The following EYS variants were observed in gnomAD, a reference collection of about 807,000 sequenced individuals.
The protein encoded by EYS is EGF-like photoreceptor maintenance factor, also known as protein eyes shut homolog.
EYS carries 250 observed loss-of-function variants against 282.1 expected under a neutral mutation model. The observed-to-expected ratio is 0.89, with a 90% CI of 0.80 to 0.98. EYS has a LOEUF of 0.98. EYS is among the 50% of genes least tolerant of loss of function. EYS has a pLI of 0.00. For synonymous variants in EYS, 1,355 were observed against 1,282.9 expected (o/e 1.06, Z -1.20); for missense variants, 4,016 against 3,709.0 (o/e 1.08, Z -2.15).
chr6:64,800,037 T>C (rs537170470), intron 22 of EYS, among the ~76,000 whole-genome samples: 23 of 152,196 alleles, frequency 1.5e-4, no homozygotes, highest in African/African-American at 5.5e-4. Context: ...ATCAGGTTTA[T>C]AGTTCTGCTG....
intron 35 of EYS, among the ~76,000 whole-genome samples, chr6:63,935,355 C>T (rs1206341533): frequency 6.6e-6 from 1 of 152,222 alleles, no homozygotes; most frequent in East Asian, 1.9e-4. Context: ...TTAGACAGCA[C>T]TTATCTGTTA....
At chr6:65,429,000 T>C (rs1488409690) in intron 5 of EYS, among the ~76,000 whole-genome samples, 4 of 151,848 alleles carry the variant, frequency 2.6e-5, no homozygotes, top group South Asian at 2.1e-4. Flanking sequence ...CTGACAAACA[T>C]GGAGAAACAC....
chr6:64,814,712 A>G (rs1429418140), intron 21 of EYS, among the ~76,000 whole-genome samples: 1 of 152,016 alleles, frequency 6.6e-6, no homozygotes, highest in East Asian at 1.9e-4. Flanking sequence ...GAAAGTTATG[A>G]CATCATTAGT....
chr6:63,760,268 A>AT (rs1769598546), intron 41 of EYS, among the ~76,000 whole-genome samples: 1 of 152,026 alleles, frequency 6.6e-6, no homozygotes. Flanking sequence ...CTGAGAGGAG[A>AT]TTTTATGATT....
intron 22 of EYS, among the ~76,000 whole-genome samples, chr6:64,807,847 T>G (rs1764477706): frequency 6.6e-6 from 1 of 152,130 alleles, no homozygotes; most frequent in Admixed American, 6.6e-5. Flanking sequence ...ACTTTTATTT[T>G]ATTTCAGTAT....
chr6:65,090,816 G>A (rs746243636), intron 12 of EYS, among the ~76,000 whole-genome samples: 1 of 151,884 alleles, frequency 6.6e-6, no homozygotes, highest in Non-Finnish European at 1.5e-5. Flanking sequence ...AATTGTCAAA[G>A]CAATTACTTT....
At chr6:64,541,543 A>AT (rs201150493) in intron 26 of EYS, among the ~76,000 whole-genome samples, 1,768 of 148,714 alleles carry the variant, frequency 0.012, 39 homozygotes, top group African/African-American at 0.039. Flanking sequence ...TCTCTGTTTC[A>AT]TTTTTTTTTC....
At chr6:65,313,232 A>T (rs1769208469) in intron 11 of EYS, among the ~76,000 whole-genome samples, 1 of 151,926 alleles carries the variant, frequency 6.6e-6, no homozygotes, top group Non-Finnish European at 1.5e-5. Flanking sequence ...GGGTACTTTC[A>T]TTCACTTGGT....
chr6:64,480,622 G>A (rs1776410931), intron 26 of EYS, among the ~76,000 whole-genome samples: 1 of 151,812 alleles, frequency 6.6e-6, no homozygotes, highest in African/African-American at 2.4e-5. Context: ...AAAATGTGCA[G>A]ATTAAATGTC....
rs557152369 is a variant in EYS at position 64,591,261 on chromosome 6, G to C, written c.4606C>G (p.Gln1536Glu). ...YQAITEASSN[Q>E]RLTNIKSQAA... ...TGTGATTTGATGTTTGTGAGTCTCT[G>C]GTTGCTTGAAGCCTCAGTAATAGCC... Residue 1536 changes from glutamine to glutamate, a missense_variant, in exon 26 of 43, where the codon CAG becomes GAG. Physicochemically the swap from Gln to Glu is conservative, Grantham distance 29. Coordinates refer to ENST00000503581, the MANE Select transcript of EYS (RefSeq NM_001142800.2). The C allele has an allele frequency of 6.8e-5, 105 of 1,551,384 alleles. No individual in the cohort carries two copies. In the South Asian group the frequency reaches 1.1e-3, roughly 16 times the overall value.
chr6:64,270,997 T>G (rs182722706), intron 30 of EYS, among the ~76,000 whole-genome samples: 35 of 152,356 alleles, frequency 2.3e-4, no homozygotes, highest in African/African-American at 7.9e-4. Flanking sequence ...GATATGTTTA[T>G]CTCTAGGTCG....
chr6:64,222,874 T>A (rs1766142462), intron 31 of EYS, among the ~76,000 whole-genome samples: 1 of 151,754 alleles, frequency 6.6e-6, no homozygotes, highest in African/African-American at 2.4e-5. Flanking sequence ...GAGGCATTGA[T>A]TTTTCTTCAG....
intron 22 of EYS, among the ~76,000 whole-genome samples, chr6:64,677,493 C>T (rs1482925793): frequency 6.6e-6 from 1 of 152,062 alleles, no homozygotes; most frequent in African/African-American, 2.4e-5. Flanking sequence ...ATGAGCTTTT[C>T]ATAAAATATT....
At chr6:65,318,243 C>G (rs937130236) in intron 11 of EYS, among the ~76,000 whole-genome samples, 5 of 151,804 alleles carry the variant, frequency 3.3e-5, no homozygotes, top group African/African-American at 1.2e-4. Context: ...TTTTTCACTC[C>G]TTTCCCCTTC....
intron 35 of EYS, among the ~76,000 whole-genome samples, chr6:63,913,485 T>C (rs576275487): frequency 4.9e-4 from 74 of 152,346 alleles, no homozygotes; most frequent in Non-Finnish European, 9.0e-4. Flanking sequence ...CCCATTATCA[T>C]GCACTATACA....
At chr6:65,193,003 T>C (rs572736244) in intron 12 of EYS, among the ~76,000 whole-genome samples, 2 of 151,882 alleles carry the variant, frequency 1.3e-5, no homozygotes, top group South Asian at 4.1e-4. Context: ...GAATATTAGA[T>C]AAAAATCCTT....
chr6:65,605,530 T>C (rs1765756763), intron 2 of EYS, among the ~76,000 whole-genome samples: 1 of 151,930 alleles, frequency 6.6e-6, no homozygotes, highest in Non-Finnish European at 1.5e-5. Flanking sequence ...TACCTTTGAT[T>C]CAGCAATTCA....
intron 26 of EYS, among the ~76,000 whole-genome samples, chr6:64,441,860 C>A (rs770776799): frequency 6.6e-6 from 1 of 152,148 alleles, no homozygotes; most frequent in Non-Finnish European, 1.5e-5. Context: ...GTCCAATAAA[C>A]CTCTTTCTTT....
At chr6:64,345,834 C>G (rs1217327189) in intron 29 of EYS, among the ~76,000 whole-genome samples, 1 of 151,478 alleles carries the variant, frequency 6.6e-6, no homozygotes. Context: ...GAATCTACAA[C>G]AAACTCAAAC....
Sources: allele counts gnomAD v4.1 joint callset (sites outside exome capture counted in the v4.1 genomes callset), GRCh38; gene constraint gnomAD v4.1.1; transcripts MANE v1.5; gene names NCBI Gene and HGNC (gene_info 2026-07-23, HGNC 2026-07-21).